The following ENOX1 variants were observed in gnomAD, a reference collection of about 807,000 sequenced individuals.
ENOX1 encodes candidate growth-related and time keeping constitutive hydroquinone (NADH) oxidase.
A neutral mutation model predicts 82.5 loss-of-function variants in ENOX1; 42 were observed. That is an observed-to-expected ratio of 0.51 (90% CI 0.40 to 0.66). The LOEUF is 0.66. Among genes scored for constraint, ENOX1 ranks in the 30% least tolerant of loss-of-function variants. The probability of loss-of-function intolerance (pLI) is 0.00; values close to 1 mark genes in which losing one functional copy is unlikely to be tolerated. For synonymous variants in ENOX1, 271 were observed against 282.2 expected (o/e 0.96, Z 0.40); for missense variants, 608 against 811.6 (o/e 0.75, Z 3.05).
intron 3 of ENOX1, among the ~76,000 whole-genome samples, chr13:43,472,326 T>A (rs1393628025): frequency 6.6e-6 from 1 of 152,206 alleles, no homozygotes; most frequent in African/African-American, 2.4e-5. Flanking sequence ...TTAAAACAAT[T>A]GTTATGTTTG....
chr13:43,743,674 C>A (rs1949873785), intron 1 of ENOX1, among the ~76,000 whole-genome samples: 1 of 152,170 alleles, frequency 6.6e-6, no homozygotes, highest in Non-Finnish European at 1.5e-5. Context: ...CTGCAACACA[C>A]AGGGAAGAAA....
chr13:43,365,246 C>T (rs1410402008), intron 5 of ENOX1, among the ~76,000 whole-genome samples: 1 of 152,164 alleles, frequency 6.6e-6, no homozygotes, highest in Non-Finnish European at 1.5e-5. Flanking sequence ...GCAGTTGAGG[C>T]CTCTTGCCAG....
chr13:43,647,110 G>A (rs2083930656), intron 2 of ENOX1, among the ~76,000 whole-genome samples: 1 of 152,126 alleles, frequency 6.6e-6, no homozygotes, highest in Admixed American at 6.5e-5. Flanking sequence ...GTAAGGGGCA[G>A]GGAAGTGCAG....
intron 3 of ENOX1, among the ~76,000 whole-genome samples, chr13:43,418,706 C>A (rs183298504): frequency 1.7e-4 from 26 of 152,264 alleles, no homozygotes; most frequent in African/African-American, 6.0e-4. Flanking sequence ...ACAAAACAAT[C>A]TGATACACAA....
intron 2 of ENOX1, among the ~76,000 whole-genome samples, chr13:43,662,130 G>A (rs17064841): frequency 0.14 from 21,938 of 152,090 alleles, 1,901 homozygotes; most frequent in African/African-American, 0.25. Context: ...CATTAGGCCC[G>A]ATATTGCCTC....
intron 5 of ENOX1, among the ~76,000 whole-genome samples, chr13:43,370,981 A>C (rs2051202516): frequency 6.7e-6 from 1 of 149,916 alleles, no homozygotes; most frequent in South Asian, 2.1e-4. Flanking sequence ...GGGATCAGCC[A>C]GCGATGCACA....
At chr13:43,537,897 C>T (rs146538329) in intron 2 of ENOX1, among the ~76,000 whole-genome samples, 2,421 of 152,306 alleles carry the variant, frequency 0.016, 31 homozygotes, top group Non-Finnish European at 0.025. Flanking sequence ...AGCCTTCTAC[C>T]CGGGAGGAAC....
chr13:43,462,658 C>T lies in ENOX1; in HGVS notation c.-75+21351G>A, dbSNP rs886810697. The stretch of plus-strand genomic sequence containing the variant: ...CAACATTATGTGCAAACAAATTCTT[C>T]GAGAGGGTAGCAAATAAAGTTTATG... On this transcript the variant is annotated intron_variant, in intron 3 of 16. Coordinates refer to ENST00000690772, the MANE Select transcript of ENOX1 (RefSeq NM_001347969.2). Among the ~76,000 whole-genome samples, 11 of 152,278 alleles carry T rather than the reference C, an allele frequency of 7.2e-5. No individual in the cohort carries two copies. The East Asian group carries it at 1.2e-3, about 16-fold the overall frequency.
chr13:43,519,491 G>A (rs2077680077), intron 2 of ENOX1, among the ~76,000 whole-genome samples: 1 of 152,142 alleles, frequency 6.6e-6, no homozygotes, highest in Non-Finnish European at 1.5e-5. Flanking sequence ...GTCAGTGTGA[G>A]CTAGTCTCAA....
At chr13:43,265,481 A>G in intron 13 of ENOX1, 27 bp from the exon 14 acceptor site, 1 of 1,599,982 alleles carries the variant, frequency 6.3e-7, no homozygotes, top group Non-Finnish European at 8.5e-7. Context: ...AAAACAACAC[A>G]AAACAAAAAA....
At chr13:43,445,266 G>A (rs969419002) in intron 3 of ENOX1, among the ~76,000 whole-genome samples, 1 of 151,820 alleles carries the variant, frequency 6.6e-6, no homozygotes, top group African/African-American at 2.4e-5. Flanking sequence ...TGGGACTACA[G>A]GCACCCACCA....
chr13:43,427,088 A>T (rs1244094482), intron 3 of ENOX1, among the ~76,000 whole-genome samples: 1 of 152,198 alleles, frequency 6.6e-6, no homozygotes, highest in African/African-American at 2.4e-5. Context: ...GTAAATATCA[A>T]TATACACTAG....
intron 9 of ENOX1, among the ~76,000 whole-genome samples, chr13:43,333,952 C>T (rs2048558344): frequency 6.6e-6 from 1 of 152,202 alleles, no homozygotes; most frequent in Admixed American, 6.5e-5. Flanking sequence ...ATTACTTAGC[C>T]CTTACTGGGC....
chr13:43,433,018 C>A (rs1277573094), intron 3 of ENOX1, among the ~76,000 whole-genome samples: 14 of 152,078 alleles, frequency 9.2e-5, no homozygotes, highest in Non-Finnish European at 1.0e-4. Flanking sequence ...ATGGGGGAGA[C>A]CATGCATGTC....
intron 5 of ENOX1, among the ~76,000 whole-genome samples, chr13:43,373,152 C>T (rs1052272320): frequency 1.3e-5 from 2 of 151,320 alleles, no homozygotes; most frequent in African/African-American, 2.4e-5. Flanking sequence ...TACAAGACTG[C>T]TTTCATGTCC....
chr13:43,686,711 G>A (rs903657574), intron 1 of ENOX1, among the ~76,000 whole-genome samples: 6 of 151,770 alleles, frequency 4.0e-5, no homozygotes, highest in South Asian at 2.1e-4. Context: ...CAGAAACTGC[G>A]TTTTCCTCCT....
chr13:43,307,490 C>T (rs986704181), intron 11 of ENOX1, among the ~76,000 whole-genome samples: 2 of 152,222 alleles, frequency 1.3e-5, no homozygotes, highest in African/African-American at 4.8e-5. Flanking sequence ...CAGGTCCCCA[C>T]TTCCTAATGC....
At chr13:43,472,328 T>C (rs955532700) in intron 3 of ENOX1, among the ~76,000 whole-genome samples, 1 of 152,212 alleles carries the variant, frequency 6.6e-6, no homozygotes, top group African/African-American at 2.4e-5. Flanking sequence ...AAAACAATTG[T>C]TATGTTTGTT....
rs1245322773 is a variant in ENOX1 at position 43,259,905 on chromosome 13, G to A, written c.1611+5493C>T. 2.6e-5 allele frequency among the ~76,000 whole-genome samples: 4 copies of A among 152,144 alleles called. No homozygotes were observed. In the East Asian group the frequency reaches 7.7e-4, roughly 29 times the overall value. On this transcript the variant is annotated intron_variant, in intron 14 of 16. Coordinates refer to ENST00000690772, the MANE Select transcript of ENOX1 (RefSeq NM_001347969.2). Reference sequence around the variant, plus strand: ...CCTAAGACCAAGCAGCAAGTTCTGGGAAGAAAGAATCCAGCCTGAGTTGTT... The same window carrying A: ...CCTAAGACCAAGCAGCAAGTTCTGGAAAGAAAGAATCCAGCCTGAGTTGTT...
Sources: gnomAD v4.1 joint callset for allele counts (sites outside exome capture counted in the v4.1 genomes callset) on GRCh38, gnomAD v4.1.1 for gene constraint, MANE v1.5 for transcripts, NCBI Gene and HGNC (gene_info 2026-07-23, HGNC 2026-07-21) for gene names.